The following INPP5J variants were observed in gnomAD, a reference collection of about 807,000 sequenced individuals.
The protein encoded by INPP5J is inositol polyphosphate-5-phosphatase J, also known as phosphatidylinositol 4,5-bisphosphate 5-phosphatase A.
Under a neutral mutation model 86.6 loss-of-function variants are expected in INPP5J, and 75 were observed. The observed-to-expected ratio is 0.87, with a 90% CI of 0.72 to 1.05. INPP5J has a LOEUF of 1.05. Among genes scored for constraint, INPP5J ranks in the 50% least tolerant of loss-of-function variants. The pLI is 0.00. For synonymous variants in INPP5J, 540 were observed against 550.0 expected (o/e 0.98, Z 0.25); for missense variants, 1,229 against 1,341.2 (o/e 0.92, Z 1.31).
intron 9 of INPP5J, among the ~76,000 whole-genome samples, chr22:31,132,116 A>G (rs1054308685): frequency 6.6e-6 from 1 of 152,214 alleles, no homozygotes; most frequent in African/African-American, 2.4e-5. Flanking sequence ...TGACAAGGTA[A>G]TAGTTAGTAA....
intron 9 of INPP5J, among the ~76,000 whole-genome samples, chr22:31,130,847 AC>A (rs1004891281): frequency 2.0e-5 from 3 of 152,186 alleles, no homozygotes; most frequent in African/African-American, 7.2e-5. Flanking sequence ...GAATCTCAGA[AC>A]CAGACCTGTG....
In INPP5J at chr22:31,127,449, G is replaced by A. The variant is rs1009151344; in HGVS notation, c.1704G>A (p.Ala568=). 23 of 1,613,716 alleles carry A rather than the reference G, an allele frequency of 1.4e-5. No individual in the cohort carries two copies. The highest frequency in any genetic ancestry group is 4.0e-5 in the African/African-American group (3 of 74,926). The change falls in exon 6 of 13, where the codon GCG becomes GCA. Residue 568 remains alanine, a synonymous_variant. Transcript: ENST00000331075. ...ACTTGCCTGCGCATATGGACAAGGC[G>A]GAGCAGCGCAAAGACAACTTCCAGA... ...NCHLPAHMDK[A]EQRKDNFQTI... is the part of the protein sequence containing the mutation.
In INPP5J at chr22:31,133,251, G is replaced by C. The variant is rs533377534; in HGVS notation, c.2331+16G>C. On this transcript the variant is annotated intron_variant, in intron 10 of 12. Coordinates refer to ENST00000331075, the MANE Select transcript of INPP5J (RefSeq NM_001284285.2). ...CTTATACCGGGTGAGAGGGGCAGTG[G>C]TGGTCAGCGACTCAGGGAAGAAAGG... 3 of 1,605,266 alleles carry C rather than the reference G, an allele frequency of 1.9e-6. No homozygotes were observed. In the South Asian group the frequency reaches 3.3e-5, roughly 18 times the overall value.
At position 31,134,016 on chromosome 22, in the gene INPP5J, C is replaced by G. The variant is rs1602747466; in HGVS notation, c.2618C>G (p.Ser873Cys). 6.2e-7 allele frequency: 1 copy of G among 1,609,566 alleles called. No individual in the cohort carries two copies. Residue 873 changes from serine (S) to cysteine (C), a missense_variant, in exon 13 of 13, where the codon TCC becomes TGC. Physicochemically the swap from Ser to Cys is moderately radical, Grantham distance 112. Coordinates refer to ENST00000331075, the MANE Select transcript of INPP5J (RefSeq NM_001284285.2). ...ACACTGGAGCTCCTTGCACCCAAGT[C>G]CCGCAGCCCCAGTCCTGGCAAGTCC... ...DSTLELLAPKSRSPSPGKSKR... is the reference protein window; with the variant it reads ...DSTLELLAPKCRSPSPGKSKR...
Position 31,125,760 on chromosome 22 carries a change from C to T in INPP5J, c.1021C>T (p.Leu341=). 6.4e-7 allele frequency: 1 copy of T among 1,551,974 alleles called. No individual in the cohort carries two copies. Among genetic ancestry groups the T allele is most frequent in the Non-Finnish European group, 8.7e-7 (1 of 1,147,124 alleles). ...APSGQTVPPP[L]PKPPRSPSRS... The stretch of plus-strand genomic sequence containing the variant: ...CTCAGGCCAGACTGTGCCCCCACCT[C>T]TGCCCAAGCCACCCCGATCACCCAG... The change falls in exon 2 of 13, where the codon CTG becomes TTG. Residue 341 remains leucine, a synonymous_variant. Coordinates refer to ENST00000331075, the MANE Select transcript of INPP5J (RefSeq NM_001284285.2).
rs1272569951 is a variant in INPP5J at position 31,128,230 on chromosome 22, A to T, written c.1916A>T (p.Asn639Ile). 1.3e-5 allele frequency: 20 copies of T among 1,596,552 alleles called. No homozygotes were observed. The highest frequency in any genetic ancestry group is 1.6e-5 in the Non-Finnish European group (19 of 1,171,460). Residue 639 changes from asparagine to isoleucine, a missense_variant, in exon 8 of 13, where the codon AAC becomes ATC. By Grantham distance (149) the Asn-to-Ile change is moderately radical. Coordinates refer to ENST00000331075, the MANE Select transcript of INPP5J (RefSeq NM_001284285.2). The stretch of plus-strand genomic sequence containing the variant: ...CCCCCACAGCTCAACATGGCCAAGA[A>T]CACCTGGCCCATTCTGAAGGGCTTT... ...WEKDQLNMAK[N>I]TWPILKGFQE...
intron 1 of INPP5J, chr22:31,124,297 T>A (rs77817281): frequency 2.0e-6 from 2 of 987,436 alleles, no homozygotes; most frequent in African/African-American, 1.7e-5. Flanking sequence ...ACCAAGGGAT[T>A]TGGATGTTTA....
At chr22:31,128,927 C>CT (rs56761879) in intron 9 of INPP5J, among the ~76,000 whole-genome samples, 5,519 of 79,920 alleles carry the variant, frequency 0.069, 254 homozygotes, top group Middle Eastern at 0.13. Flanking sequence ...CATGCCTTTT[C>CT]TTTTTTTTTT....
At chr22:31,132,953 C>G in intron 9 of INPP5J, 145 bp from the exon 10 acceptor site, 1 of 1,081,832 alleles carries the variant, frequency 9.2e-7, no homozygotes, top group Non-Finnish European at 1.3e-6. Flanking sequence ...GGTATTTATA[C>G]TAGACCTGTT....
Position 31,125,064 on chromosome 22 carries a change from A to C in INPP5J, c.325A>C (p.Thr109Pro). The C allele has an allele frequency of 1.3e-6, 2 of 1,549,938 alleles. No homozygotes were observed. Among genetic ancestry groups the C allele is most frequent in the East Asian group, 4.9e-5 (2 of 40,912 alleles). Residue 109 changes from threonine to proline, a missense_variant, in exon 2 of 13, where the codon ACA (threonine) becomes CCA (proline). Coordinates refer to ENST00000331075, the MANE Select transcript of INPP5J (RefSeq NM_001284285.2). ...TAHRSSSLAP[T>P]SVGQLVMSAS... is the part of the protein sequence containing the mutation. ...CCACCGCAGCTCCAGCCTGGCCCCA[A>C]CATCTGTGGGCCAGCTGGTGATGTC...
chr22:31,129,232 CT>C (rs576089657), intron 9 of INPP5J, among the ~76,000 whole-genome samples: 30,348 of 78,670 alleles, frequency 0.39, 4,790 homozygotes, highest in Middle Eastern at 0.64. Flanking sequence ...GTCTGGCCAA[CT>C]TTTTTTTTTT....
rs752295998 is a variant in INPP5J, at chr22:31,127,456, C to T, written c.1711C>T (p.Arg571Cys). 30 of 1,613,720 alleles carry T rather than the reference C, an allele frequency of 1.9e-5. No individual in the cohort carries two copies. The highest frequency in any genetic ancestry group is 2.7e-5 in the African/African-American group (2 of 74,922). ...TGCGCATATGGACAAGGCGGAGCAG[C>T]GCAAAGACAACTTCCAGACCATCCT... ...LPAHMDKAEQRKDNFQTILSL... is the reference protein window; with the variant it reads ...LPAHMDKAEQCKDNFQTILSL... Residue 571 changes from arginine to cysteine, a missense_variant, in exon 6 of 13, where the codon CGC becomes TGC. Physicochemically the swap from Arg to Cys is radical, Grantham distance 180 (BLOSUM62 -3). Transcript: ENST00000331075.
chr22:31,125,296 G>A lies in INPP5J; in HGVS notation c.557G>A (p.Ser186Asn), dbSNP rs1921264511. The change falls in exon 2 of 13, where the codon AGC (serine) becomes AAC (asparagine). Residue 186 changes from serine (S) to asparagine (N), a missense_variant. Physicochemically the swap from Ser to Asn is conservative, Grantham distance 46. Coordinates refer to ENST00000331075, the MANE Select transcript of INPP5J (RefSeq NM_001284285.2). ...PKPTLAASGL[S>N]LALASEEQPP... is the part of the protein sequence containing the mutation. ...CCAACACTGGCAGCCTCTGGCCTGAGCCTGGCCCTGGCTTCTGAGGAGCAG... is the reference window on the plus strand; with the variant it reads ...CCAACACTGGCAGCCTCTGGCCTGAACCTGGCCCTGGCTTCTGAGGAGCAG... 3.9e-6 allele frequency: 6 copies of A among 1,550,526 alleles called. No homozygotes were observed. In the Admixed American group the frequency reaches 1.2e-4, roughly 30 times the overall value.
In INPP5J at chr22:31,127,549, G is replaced by A; in HGVS notation, c.1787+17G>A. The A allele has an allele frequency of 6.2e-7, 1 of 1,604,758 alleles. No individual in the cohort carries two copies. The highest frequency in any genetic ancestry group is 8.5e-7 in the Non-Finnish European group (1 of 1,174,924). On this transcript the variant is annotated intron_variant, in intron 6 of 12. Transcript: ENST00000331075. ...GGATCATGAGTATGGGCTGGGGTGG[G>A]GCCAAATAGAGCTTGGGTGGGGCTA...
At chr22:31,127,097 C>T (rs768421156) in intron 5 of INPP5J, 60 bp downstream of exon 5, 5 of 1,199,756 alleles carry the variant, frequency 4.2e-6, no homozygotes, top group Middle Eastern at 3.9e-4. Flanking sequence ...AGATTAGTCC[C>T]CCCGCCCCAT....
chr22:31,130,885 T>C (rs1922008930), intron 9 of INPP5J, among the ~76,000 whole-genome samples: 1 of 152,182 alleles, frequency 6.6e-6, no homozygotes, highest in Non-Finnish European at 1.5e-5. Flanking sequence ...CTCCCTTTTT[T>C]TCTGTGGCGG....
intron 9 of INPP5J, among the ~76,000 whole-genome samples, chr22:31,130,621 C>T (rs1461243730): frequency 6.6e-6 from 1 of 152,054 alleles, no homozygotes; most frequent in African/African-American, 2.4e-5. Context: ...CCAGCAAAAT[C>T]AAACTCCATG....
intron 9 of INPP5J, among the ~76,000 whole-genome samples, chr22:31,128,980 T>C (rs1166690741): frequency 1.4e-5 from 2 of 141,770 alleles, no homozygotes; most frequent in Non-Finnish European, 3.0e-5. Context: ...TCACCCAGGC[T>C]GGAGTGCAGT....
intron 12 of INPP5J, 58 bp downstream of exon 12, chr22:31,133,772 G>T (rs781169430): frequency 3.4e-5 from 54 of 1,567,160 alleles, no homozygotes; most frequent in Non-Finnish European, 4.6e-5. Context: ...AAATGCCACA[G>T]CCTCTACATT....
Sources: allele counts gnomAD v4.1 joint callset (sites outside exome capture counted in the v4.1 genomes callset), GRCh38; gene constraint gnomAD v4.1.1; transcripts MANE v1.5; gene names NCBI Gene and HGNC (gene_info 2026-07-23, HGNC 2026-07-21).